ZNF75D: variants seen among roughly 807,000 people sequenced by gnomAD.
The protein encoded by ZNF75D is zinc finger protein 75D.
A neutral mutation model predicts 33.3 loss-of-function variants in ZNF75D; 33 were observed. The ratio of observed to expected loss-of-function variants is 0.99; its 90% confidence interval spans 0.75 to 1.32. ZNF75D has a LOEUF of 1.32. Ranked by LOEUF, ZNF75D falls within the 40% of genes most tolerant of loss-of-function variation. The pLI, the probability that ZNF75D is intolerant of heterozygous loss-of-function variation, is 0.00. For synonymous variants in ZNF75D, 113 were observed against 130.6 expected (o/e 0.87, Z 0.92); for missense variants, 338 against 367.5 (o/e 0.92, Z 0.66).
intron 1 of ZNF75D, among the ~76,000 whole-genome samples, chrX:135,332,974 C>A (rs1875629280): frequency 9.0e-6 from 1 of 111,646 alleles, no homozygotes; most frequent in Admixed American, 9.5e-5. Context: ...GTACCCTTCA[C>A]CTCAAACTTA....
intron 1 of ZNF75D, among the ~76,000 whole-genome samples, chrX:135,271,106 A>C (rs1251847399): frequency 2.7e-5 from 3 of 111,267 alleles, no homozygotes; most frequent in Non-Finnish European, 5.7e-5. Flanking sequence ...TTCCTCTATA[A>C]TGCTACAACT....
At chrX:135,258,946 T>C (rs1227919211) in intron 1 of ZNF75D, among the ~76,000 whole-genome samples, 2 of 112,439 alleles carry the variant, frequency 1.8e-5, no homozygotes, top group Admixed American at 9.4e-5. Context: ...TTTAAGTCTT[T>C]AACCCATCTT....
chrX:135,295,701 G>A, intron 2 of ZNF75D, 67 bp downstream of exon 2: 1 of 112,108 alleles, frequency 8.9e-6, no homozygotes, highest in East Asian at 2.8e-4. Flanking sequence ...GCAACTGGCA[G>A]GAGCGGCCGG....
At position 135,319,066 on chromosome X, in the gene ZNF75D, T is replaced by A. The variant is rs782276241; in HGVS notation, c.-391+22702A>T. On this transcript the variant is annotated intron_variant, in intron 1 of 6. Transcript: ENST00000370766. ...TGTGACTGAGTCCCATGGCCATTGC[T>A]ACTTGGTTTGATACTTGTCACCTCA... Among the ~76,000 whole-genome samples the A allele has an allele frequency of 2.7e-5, 3 of 111,538 alleles. No individual in the cohort carries two copies. In the East Asian group the frequency reaches 8.5e-4, roughly 32 times the overall value.
chrX:135,292,146 A>T, intron 4 of ZNF75D, 135 bp downstream of exon 4: 1 of 591,838 alleles, frequency 1.7e-6, no homozygotes, highest in Non-Finnish European at 2.7e-6. Flanking sequence ...ACCACCATCA[A>T]CCCACTGTAC....
intron 1 of ZNF75D, among the ~76,000 whole-genome samples, chrX:135,310,909 T>G (rs1367744350): frequency 9.0e-6 from 1 of 110,719 alleles, no homozygotes; most frequent in Non-Finnish European, 1.9e-5. Context: ...AAGGGGAGGG[T>G]TTAGAGGACA....
chrX:135,272,986 A>G (rs2083888373), intron 1 of ZNF75D, among the ~76,000 whole-genome samples: 1 of 111,183 alleles, frequency 9.0e-6, no homozygotes. Flanking sequence ...TTTTCAATAC[A>G]TCTCTGCTTT....
At chrX:135,294,675 A>G (rs781943929) in intron 2 of ZNF75D, among the ~76,000 whole-genome samples, 1 of 111,388 alleles carries the variant, frequency 9.0e-6, no homozygotes, top group South Asian at 3.8e-4. Flanking sequence ...CATCCCAATC[A>G]TTTTTCTTTA....
At position 135,295,898 on chromosome X, in the gene ZNF75D, G is replaced by A. The variant is rs1279764129; in HGVS notation, c.-249C>T. 9.0e-6 allele frequency: 1 copy of A among 111,501 alleles called. No homozygotes were observed. Among genetic ancestry groups the A allele is most frequent in the Non-Finnish European group, 1.9e-5 (1 of 53,066 alleles). The allele number at this position is 111,501 out of a possible 1,213,427, so 9.2% of individuals were successfully genotyped here. The stretch of plus-strand genomic sequence containing the variant: ...CTCCGCTGCTGCACCACTAGGGGAA[G>A]CGACGTCAGGAAAGCGCGGGATGCC... On this transcript the variant is annotated 5_prime_UTR_variant, in exon 2 of 7. Transcript: ENST00000370766.
intron 1 of ZNF75D, chrX:135,297,190 C>T (rs1460144973): frequency 9.0e-6 from 1 of 111,667 alleles, no homozygotes; most frequent in African/African-American, 3.3e-5. Context: ...TCAGACAAGC[C>T]AAAGAGATGT....
chrX:135,313,184 G>A (rs782065427), intron 1 of ZNF75D, among the ~76,000 whole-genome samples: 1 of 111,221 alleles, frequency 9.0e-6, no homozygotes, highest in African/African-American at 3.3e-5. Context: ...TTAGAGGTAG[G>A]GGTCTAATTT....
At chrX:135,302,883 G>A (rs782085617) in intron 1 of ZNF75D, among the ~76,000 whole-genome samples, 10 of 109,719 alleles carry the variant, frequency 9.1e-5, no homozygotes, top group African/African-American at 3.0e-4. Flanking sequence ...GGAGGATCCC[G>A]CCGGCCTCTG....
intron 2 of ZNF75D, chrX:135,253,602 C>T (rs1214214224): frequency 2.5e-5 from 7 of 278,467 alleles, no homozygotes; most frequent in Non-Finnish European, 3.7e-5. Context: ...TGTCATTTCA[C>T]TCCTTGAGGT....
At chrX:135,259,036 A>C (rs782375942) in intron 1 of ZNF75D, among the ~76,000 whole-genome samples, 1 of 112,201 alleles carries the variant, frequency 8.9e-6, no homozygotes, top group East Asian at 2.8e-4. Context: ...TCCCAGCACC[A>C]TTTATTAAAT....
At position 135,339,829 on chromosome X, in the gene ZNF75D, C is replaced by T. The variant is rs367706412; in HGVS notation, c.-391+1939G>A. 2.7e-3 allele frequency among the ~76,000 whole-genome samples: 299 copies of T among 111,472 alleles called. 1 individual carries two copies. Among genetic ancestry groups the T allele is most frequent in the African/African-American group, 9.4e-3 (288 of 30,613 alleles). On this transcript the variant is annotated intron_variant, in intron 1 of 6. Coordinates refer to ENST00000370766, the MANE Select transcript of ZNF75D (RefSeq NM_007131.5). ...TCAGATATCAGCATCTATATCTCTC[C>T]GAAAGATTTGAGGTTCAGCAAATGT...
At chrX:135,308,758 T>C (rs1223816939) in intron 1 of ZNF75D, among the ~76,000 whole-genome samples, 1 of 111,925 alleles carries the variant, frequency 8.9e-6, no homozygotes, top group Non-Finnish European at 1.9e-5. Context: ...GTTCCCAGGA[T>C]GGAAACTCAG....
intron 1 of ZNF75D, among the ~76,000 whole-genome samples, chrX:135,320,689 C>T (rs782146645): frequency 8.9e-6 from 1 of 111,753 alleles, no homozygotes; most frequent in African/African-American, 3.3e-5. Flanking sequence ...CACTTTTTTT[C>T]CCTGTGAGCT....
chrX:135,314,897 T>C (rs1459057192), intron 1 of ZNF75D, among the ~76,000 whole-genome samples: 1 of 112,063 alleles, frequency 8.9e-6, no homozygotes, highest in Non-Finnish European at 1.9e-5. Context: ...TTTATCAATT[T>C]TGTTTATCAA....
intron 1 of ZNF75D, among the ~76,000 whole-genome samples, chrX:135,326,020 C>T (rs1209658235): frequency 2.7e-5 from 3 of 109,359 alleles, no homozygotes; most frequent in African/African-American, 3.4e-5. Flanking sequence ...ATGCACCAAT[C>T]GACACTCTGT....
Sources: gnomAD v4.1 joint callset for allele counts (sites outside exome capture counted in the v4.1 genomes callset) on GRCh38, gnomAD v4.1.1 for gene constraint, MANE v1.5 for transcripts, NCBI Gene and HGNC (gene_info 2026-07-23, HGNC 2026-07-21) for gene names.